Variants in SAMSN1 observed in about 807,000 individuals in gnomAD.
The protein encoded by SAMSN1 is SAM domain, SH3 domain and nuclear localization signals 1, also known as SAM domain-containing protein SAMSN-1.
SAMSN1 carries 31 observed loss-of-function variants against 42.0 expected under a neutral mutation model. The ratio of observed to expected loss-of-function variants is 0.74; its 90% CI spans 0.55 to 1.00. The LOEUF (loss-of-function observed/expected upper bound fraction) is 1.00. Among genes scored for constraint, SAMSN1 ranks in the 50% least tolerant of loss-of-function variants. SAMSN1 has a pLI of 0.00. For synonymous variants in SAMSN1, 178 were observed against 151.9 expected (o/e 1.17, Z -1.26); for missense variants, 464 against 439.4 (o/e 1.06, Z -0.50).
intron 2 of SAMSN1, among the ~76,000 whole-genome samples, chr21:14,568,525 T>C (rs1184980246): frequency 6.6e-6 from 1 of 152,222 alleles, no homozygotes; most frequent in East Asian, 1.9e-4. Context: ...GATGGCTTAA[T>C]ATAATCCACA....
upstream of SAMSN1, among the ~76,000 whole-genome samples, chr21:14,549,194 C>T (rs143877311): frequency 4.9e-3 from 749 of 152,142 alleles, 6 homozygotes; most frequent in African/African-American, 0.016. Flanking sequence ...TCATAAAATT[C>T]AAAGCATAGA....
intron 1 of SAMSN1, among the ~76,000 whole-genome samples, chr21:14,533,976 T>C (rs1175876343): frequency 6.6e-6 from 1 of 152,202 alleles, no homozygotes; most frequent in African/African-American, 2.4e-5. Context: ...CAGTGGCAAA[T>C]TTCTACTCTC....
chr21:14,594,167 ATTG>A, intron 6 of SAMSN1: 2 of 614,374 alleles, frequency 3.3e-6, no homozygotes, highest in Non-Finnish European at 5.9e-6. Context: ...TACCAAACTA[ATTG>A]GGAAAGGATT....
At chr21:14,557,894 G>A (rs1980815588) in intron 2 of SAMSN1, among the ~76,000 whole-genome samples, 2 of 152,088 alleles carry the variant, frequency 1.3e-5, no homozygotes, top group Non-Finnish European at 2.9e-5. Context: ...TTTTGACATG[G>A]GTGGCTCCTT....
At chr21:14,585,800 T>C (rs190225292), upstream of SAMSN1, among the ~76,000 whole-genome samples, 30 of 152,290 alleles carry the variant, frequency 2.0e-4, no homozygotes, top group Non-Finnish European at 1.6e-4. Context: ...AAATGGAGTA[T>C]CCATAGTACA....
At chr21:14,498,646 A>G in intron 6 of SAMSN1, 54 bp from the exon 7 acceptor site, 2 of 1,397,098 alleles carry the variant, frequency 1.4e-6, no homozygotes. Flanking sequence ...TTTTATTTTT[A>G]GTTCTCTTTA....
intron 1 of SAMSN1, among the ~76,000 whole-genome samples, chr21:14,528,509 G>T (rs914878846): frequency 1.3e-5 from 2 of 152,146 alleles, no homozygotes; most frequent in Non-Finnish European, 2.9e-5. Flanking sequence ...CTCCCCTGAG[G>T]ATCTGTTTTG....
chr21:14,577,240 A>ATATATATATATATATATATATATATG (rs1981509798), intron 2 of SAMSN1, among the ~76,000 whole-genome samples: 1 of 11,602 alleles, frequency 8.6e-5, no homozygotes, highest in Non-Finnish European at 1.4e-4. Context: ...ATATGTGTGT[A>ATATATATATATATATATATATATATG]TATATATATA....
intron 7 of SAMSN1, among the ~76,000 whole-genome samples, chr21:14,489,285 T>C (rs547010474): frequency 3.4e-4 from 52 of 152,290 alleles, no homozygotes; most frequent in African/African-American, 1.2e-3. Flanking sequence ...GGACTTCCCA[T>C]AGGATGTTTC....
intron 2 of SAMSN1, among the ~76,000 whole-genome samples, chr21:14,618,646 A>G (rs1982905702): frequency 7.1e-6 from 1 of 141,568 alleles, no homozygotes; most frequent in Non-Finnish European, 1.5e-5. Context: ...TTTTAGAACC[A>G]CAGCTGTGTA....
intron 2 of SAMSN1, among the ~76,000 whole-genome samples, chr21:14,640,981 A>G (rs1009678984): frequency 7.0e-6 from 1 of 142,950 alleles, no homozygotes; most frequent in Non-Finnish European, 1.5e-5. Context: ...TGGCCATGAA[A>G]TGGTTTGGTT....
chr21:14,618,691 T>C (rs3993031), intron 2 of SAMSN1, among the ~76,000 whole-genome samples: 2,952 of 15,590 alleles, frequency 0.19, 53 homozygotes, highest in East Asian at 0.38. Flanking sequence ...TGTGTGTGTG[T>C]GCGCGCGCGC....
intron 2 of SAMSN1, among the ~76,000 whole-genome samples, chr21:14,558,297 G>A (rs945542676): frequency 6.6e-6 from 1 of 152,016 alleles, no homozygotes; most frequent in Non-Finnish European, 1.5e-5. Context: ...AAGGATTATG[G>A]CAGGTAGAAC....
intron 1 of SAMSN1, among the ~76,000 whole-genome samples, chr21:14,542,423 G>T (rs908661197): frequency 1.3e-5 from 2 of 151,996 alleles, no homozygotes; most frequent in Admixed American, 1.3e-4. Flanking sequence ...AAATAAATTA[G>T]TGTACAAAAA....
chr21:14,612,671 T>A (rs1600963472), intron 4 of SAMSN1: 1 of 631,836 alleles, frequency 1.6e-6, no homozygotes, highest in Non-Finnish European at 3.0e-6. Context: ...CGGAAAATAT[T>A]GCAAATAAAT....
chr21:14,590,569 C>T (rs1982051784), intron 7 of SAMSN1, among the ~76,000 whole-genome samples: 1 of 146,854 alleles, frequency 6.8e-6, no homozygotes. Context: ...AGGCGTGAGC[C>T]ATCACATGTG....
At chr21:14,549,705 A>G (rs1295136363), upstream of SAMSN1, among the ~76,000 whole-genome samples, 1 of 152,130 alleles carries the variant, frequency 6.6e-6, no homozygotes, top group African/African-American at 2.4e-5. Context: ...TAGAAAAAAG[A>G]ACTGTATTCC....
chr21:14,517,437 T>G (rs952486193), intron 2 of SAMSN1, among the ~76,000 whole-genome samples: 1 of 152,246 alleles, frequency 6.6e-6, no homozygotes, highest in Non-Finnish European at 1.5e-5. Context: ...AAGCTTTAGA[T>G]AGGCTGTAGC....
intron 7 of SAMSN1, among the ~76,000 whole-genome samples, chr21:14,487,969 G>A (rs192974036): frequency 6.6e-6 from 1 of 152,074 alleles, no homozygotes; most frequent in African/African-American, 2.4e-5. Context: ...GTCTTTCTGA[G>A]TATCAGTCAT....
Sources: gnomAD v4.1 joint callset for allele counts (sites outside exome capture counted in the v4.1 genomes callset) on GRCh38, gnomAD v4.1.1 for gene constraint, MANE v1.5 for transcripts, NCBI Gene and HGNC (gene_info 2026-07-23, HGNC 2026-07-21) for gene names.